The following TET3 variants were observed in gnomAD, a reference collection of about 807,000 sequenced individuals.
TET3 encodes the protein methylcytosine dioxygenase TET3.
TET3 carries 19 observed loss-of-function variants against 141.4 expected under a neutral mutation model. That is an observed-to-expected ratio of 0.13 (90% confidence interval 0.09 to 0.20). The LOEUF (loss-of-function observed/expected upper bound fraction) is 0.20. TET3 is among the 10% of genes least tolerant of loss of function. The probability of loss-of-function intolerance (pLI) is 1.00; values close to 1 mark genes in which losing one functional copy is unlikely to be tolerated. For synonymous variants in TET3, 1,043 were observed against 980.9 expected (o/e 1.06, Z -1.18); for missense variants, 1,874 against 2,356.9 (o/e 0.80, Z 4.24).
intron 3 of TET3, among the ~76,000 whole-genome samples, chr2:74,035,254 A>G (rs189463480): frequency 5.8e-4 from 86 of 147,332 alleles, no homozygotes; most frequent in Non-Finnish European, 1.1e-3. Flanking sequence ...GTTTGAGGTC[A>G]GGAGTTCAAA....
intron 8 of TET3, among the ~76,000 whole-genome samples, chr2:74,090,270 C>T (rs965032383): frequency 1.3e-5 from 2 of 152,358 alleles, no homozygotes; most frequent in Admixed American, 6.5e-5. Flanking sequence ...GCCCCAGGCT[C>T]TTCCCATGTA....
the TET3 span, chr2:74,130,798 T>C: frequency 6.6e-6 from 1 of 152,184 alleles, no homozygotes; most frequent in African/African-American, 2.4e-5. Flanking sequence ...GCTGCGACCA[T>C]TTTGCAGGAC....
rs1684039341 is a variant in TET3 at position 73,986,594 on chromosome 2, G to A, written c.191G>A (p.Arg64Gln). ...CGGTGTGGTACTTGTGAGCCCTGCC[G>A]GCGGCTGGAAAACTGTGGCGCTTGC... is the stretch of plus-strand genomic sequence containing the variant. ...RKRCGTCEPC[R>Q]RLENCGACTS... The change falls in exon 2 of 12, where the codon CGG becomes CAG. Residue 64 changes from arginine (R) to glutamine (Q), a missense_variant. This residue lies in a region of TET3 where 366 missense variants were observed against 487.0 expected (regional missense o/e 0.75). Coordinates refer to ENST00000409262, the MANE Select transcript of TET3 (RefSeq NM_001287491.2). The A allele has an allele frequency of 2.4e-6, 3 of 1,232,150 alleles. No individual in the cohort carries two copies. The highest frequency in any genetic ancestry group is 4.1e-5 in the South Asian group (1 of 24,322). 76.3% of individuals were successfully genotyped at this position (1,232,150 alleles called of 1,614,324 possible).
At chr2:74,058,977 A>G (rs1248466991) in intron 4 of TET3, among the ~76,000 whole-genome samples, 1 of 152,260 alleles carries the variant, frequency 6.6e-6, no homozygotes, top group Non-Finnish European at 1.5e-5. Flanking sequence ...GTCTATAGCC[A>G]CTTTTGCACT....
rs929488516 is a variant in TET3, at chr2:74,106,827, G to T, written c.*4651G>T. The T allele has an allele frequency of 6.6e-6, 1 of 152,646 alleles. No individual in the cohort carries two copies. Among genetic ancestry groups the T allele is most frequent in the Non-Finnish European group, 1.5e-5 (1 of 68,032 alleles). The allele number at this position is 152,646 out of a possible 1,614,324, so 9.5% of individuals were successfully genotyped here. On this transcript the variant is annotated 3_prime_UTR_variant, in exon 12 of 12. Coordinates refer to ENST00000409262, the MANE Select transcript of TET3 (RefSeq NM_001287491.2). ...AGGGTCTGATACCTGCAGGTTGTCCGTCTGATGACATACTTGACCTTGAAA... is the reference window on the plus strand; with the variant it reads ...AGGGTCTGATACCTGCAGGTTGTCCTTCTGATGACATACTTGACCTTGAAA...
At chr2:73,989,006 T>TG (rs1350721383) in intron 2 of TET3, among the ~76,000 whole-genome samples, 2 of 149,646 alleles carry the variant, frequency 1.3e-5, no homozygotes, top group Non-Finnish European at 3.0e-5. Context: ...TTTGTTTTTT[T>TG]TTTTTTTTGG....
Position 74,101,357 on chromosome 2 carries a change from G to T in TET3, c.4569G>T (p.Ser1523=). The T allele has an allele frequency of 1.2e-6, 2 of 1,613,922 alleles. No individual in the cohort carries two copies. Among genetic ancestry groups the T allele is most frequent in the South Asian group, 2.2e-5 (2 of 91,076 alleles). Reference sequence around the variant, plus strand: ...CCTGCAAGTTTGGGAACAGCACCTCGGCCTTGGCTGGGCCCAGCCTGACTG... The same window carrying T: ...CCTGCAAGTTTGGGAACAGCACCTCTGCCTTGGCTGGGCCCAGCCTGACTG... ...WSPCKFGNST[S]ALAGPSLTEK... Residue 1523 remains serine (S), a synonymous_variant, in exon 12 of 12, where the codon TCG becomes TCT. Coordinates refer to ENST00000409262, the MANE Select transcript of TET3 (RefSeq NM_001287491.2). This position sits in a 1 kb window ranked among gnomAD's most constrained non-coding sequence, Gnocchi z 8.5.
At chr2:74,088,923 A>C (rs1477754397) in intron 7 of TET3, among the ~76,000 whole-genome samples, 1 of 152,042 alleles carries the variant, frequency 6.6e-6, no homozygotes, top group Non-Finnish European at 1.5e-5. Context: ...TTTACTAAAA[A>C]TATAAAAATT....
chr2:74,132,958 C>T, the TET3 span, among the ~76,000 whole-genome samples: 9 of 151,998 alleles, frequency 5.9e-5, no homozygotes, highest in Admixed American at 6.6e-5. Context: ...AGTGCAGTAG[C>T]GTGATCTTGG....
At chr2:74,007,279 C>T (rs1685199267) in intron 3 of TET3, among the ~76,000 whole-genome samples, 2 of 152,198 alleles carry the variant, frequency 1.3e-5, no homozygotes, top group African/African-American at 2.4e-5. Flanking sequence ...CAGCACTTTA[C>T]ATTTGCTTTC....
chr2:74,082,505 A>T (rs1256887170), intron 6 of TET3, among the ~76,000 whole-genome samples: 9 of 152,184 alleles, frequency 5.9e-5, no homozygotes. Flanking sequence ...GAAGGTGCTG[A>T]TAGTGTTTGC....
the TET3 span, among the ~76,000 whole-genome samples, chr2:74,116,582 G>C: frequency 6.6e-6 from 1 of 151,588 alleles, no homozygotes; most frequent in Admixed American, 6.6e-5. Context: ...CTACTCGGCA[G>C]GCTGAGGCAC....
At chr2:74,076,441 G>GTTTTTTTTTTTTTTTTTTTTTTTTT (rs70965785) in intron 5 of TET3, among the ~76,000 whole-genome samples, 9 of 56,556 alleles carry the variant, frequency 1.6e-4, no homozygotes, top group Non-Finnish European at 2.6e-4. Context: ...ATTCCTCTGG[G>GTTTTTTTTTTTTTTTTTTTTTTTTT]TTTTTTTTTT....
chr2:74,032,391 A>G (rs1474699183), intron 3 of TET3, among the ~76,000 whole-genome samples: 3 of 102,838 alleles, frequency 2.9e-5, no homozygotes, highest in African/African-American at 4.6e-5. Context: ...TTTTCTGGCC[A>G]TGGGACGTGC....
the TET3 span, among the ~76,000 whole-genome samples, chr2:74,116,126 TA>T: frequency 1.3e-5 from 2 of 151,826 alleles, no homozygotes; most frequent in African/African-American, 4.8e-5. Context: ...CCAACATCAC[TA>T]ATCATCAGGG....
intron 3 of TET3, among the ~76,000 whole-genome samples, chr2:74,021,110 C>T (rs1450943768): frequency 6.6e-6 from 1 of 152,236 alleles, no homozygotes; most frequent in Non-Finnish European, 1.5e-5. Context: ...CTGCCCCTAT[C>T]CCCTGCTGTT....
chr2:74,072,114 A>G (rs1689241163), intron 4 of TET3, among the ~76,000 whole-genome samples: 1 of 152,216 alleles, frequency 6.6e-6, no homozygotes, highest in Admixed American at 6.5e-5. Flanking sequence ...GCCTCTGGCA[A>G]CAACCACCAG....
Position 74,102,025 on chromosome 2 carries a change from G to C in TET3, c.5237G>C (p.Trp1746Ser), listed in dbSNP as rs190925009. ...AAGCTCTACGGGAAGAAGCGCAAGT[G>C]GGGGGGCACTGTGGTTGCTGAGCCC... ...EAKLYGKKRK[W>S]GGTVVAEPQQ... The change falls in exon 12 of 12, where the codon TGG becomes TCG. Residue 1746 changes from tryptophan to serine, a missense_variant. By Grantham distance (177) the Trp-to-Ser change is radical (BLOSUM62 -3). Transcript: ENST00000409262. 1.2e-4 allele frequency: 187 copies of C among 1,568,202 alleles called. No individual in the cohort carries two copies. The highest frequency in any genetic ancestry group is 1.0e-3 in the Admixed American group (54 of 53,576).
At chr2:74,082,876 G>T (rs1218600412) in intron 6 of TET3, among the ~76,000 whole-genome samples, 4 of 152,132 alleles carry the variant, frequency 2.6e-5, no homozygotes, top group African/African-American at 9.7e-5. Context: ...AGCGTCAGGA[G>T]CCCGGAGCCG....
Sources: allele counts gnomAD v4.1 joint callset (sites outside exome capture counted in the v4.1 genomes callset), GRCh38; gene constraint gnomAD v4.1.1; regional missense constraint gnomAD v4.1.1; non-coding constraint Gnocchi (gnomAD v3.1); transcripts MANE v1.5; gene names NCBI Gene and HGNC (gene_info 2026-07-23, HGNC 2026-07-21).